Variants in LRRC4B observed in about 807,000 individuals in gnomAD.
LRRC4B encodes leucine-rich repeat-containing protein 4B.
A neutral mutation model predicts 7.3 loss-of-function variants in LRRC4B; 1 was observed. That is an observed-to-expected ratio of 0.14 (90% CI 0.05 to 0.65). The LOEUF (loss-of-function observed/expected upper bound fraction) is 0.65. LRRC4B is among the 30% of genes least tolerant of loss of function. LRRC4B has a pLI of 0.84. For missense variants in LRRC4B, 730 were observed against 1,041.6 expected (o/e 0.70, Z 4.12); for synonymous variants, 500 against 499.2 (o/e 1.00, Z -0.02).
chr19:50,566,433 C>T lies in LRRC4B; in HGVS notation c.-36+1511G>A, dbSNP rs1037623004. ...TTCCCCCTCCCCCTTCCCAGCTGGG[C>T]TCTCCCCAGGGGAATTCCCCACCCC... is the stretch of plus-strand genomic sequence containing the variant. On this transcript the variant is annotated intron_variant, in intron 1 of 2. Transcript: ENST00000652263. Among the ~76,000 whole-genome samples, 7 of 151,492 alleles carry T rather than the reference C, an allele frequency of 4.6e-5. No individual in the cohort carries two copies. The South Asian group carries it at 6.2e-4, about 14-fold the overall frequency.
In LRRC4B at chr19:50,548,885, G is replaced by A; in HGVS notation, c.-35-12C>T. 2.4e-6 allele frequency: 3 copies of A among 1,257,448 alleles called. No homozygotes were observed. The highest frequency in any genetic ancestry group is 1.5e-5 in the African/African-American group (1 of 66,128). 77.9% of individuals were successfully genotyped at this position (1,257,448 alleles called of 1,614,324 possible). On this transcript the variant is annotated splice_polypyrimidine_tract_variant and intron_variant, in intron 1 of 2. Transcript: ENST00000652263. The surrounding 1 kb of genome is among the most constrained non-coding windows in gnomAD (Gnocchi z 6.8). ...TGGACGCTGGGGGGCTGTGGGTGGG[G>A]GAGAGAAGGGGGAGAGGCTTGGTGA...
chr19:50,527,834 T>G (rs904430996), intron 2 of LRRC4B, among the ~76,000 whole-genome samples: 4 of 151,490 alleles, frequency 2.6e-5, no homozygotes, highest in African/African-American at 9.7e-5. Flanking sequence ...CTCCGCCTTC[T>G]GGGTTCAAAT....
At chr19:50,542,335 A>C (rs1217803753) in intron 2 of LRRC4B, among the ~76,000 whole-genome samples, 2 of 152,178 alleles carry the variant, frequency 1.3e-5, no homozygotes, top group African/African-American at 4.8e-5. Flanking sequence ...CCAGGGGGCC[A>C]GGGCATGTGA....
chr19:50,552,602 A>ATCTGTCTG (rs1982117506), intron 1 of LRRC4B, among the ~76,000 whole-genome samples: 2 of 143,662 alleles, frequency 1.4e-5, no homozygotes, highest in African/African-American at 5.2e-5. Flanking sequence ...CCATCCATCC[A>ATCTGTCTG]TCCATCCATC....
At chr19:50,544,129 C>T (rs564308706) in intron 2 of LRRC4B, among the ~76,000 whole-genome samples, 67 of 152,026 alleles carry the variant, frequency 4.4e-4, no homozygotes, top group Admixed American at 2.9e-3. Flanking sequence ...ATTGCTTGAA[C>T]GCGGGAGGCA....
intron 1 of LRRC4B, among the ~76,000 whole-genome samples, chr19:50,562,370 G>A (rs1982496825): frequency 6.6e-6 from 1 of 152,116 alleles, no homozygotes; most frequent in African/African-American, 2.4e-5. Flanking sequence ...GTGCCTCCTT[G>A]CAGGGTTGCC....
intron 2 of LRRC4B, among the ~76,000 whole-genome samples, chr19:50,535,824 G>C (rs1347556353): frequency 6.6e-6 from 1 of 152,224 alleles, no homozygotes; most frequent in East Asian, 1.9e-4. Context: ...GCCCTGGCCT[G>C]GGTGGAAAGT....
At chr19:50,523,279 C>T (rs759903015) in intron 2 of LRRC4B, among the ~76,000 whole-genome samples, 36 of 151,178 alleles carry the variant, frequency 2.4e-4, no homozygotes, top group Non-Finnish European at 8.8e-5. Context: ...TGGGGGAATG[C>T]GGTGTTACAG....
chr19:50,566,468 T>C (rs768181778), intron 1 of LRRC4B, among the ~76,000 whole-genome samples: 26 of 148,708 alleles, frequency 1.7e-4, no homozygotes, highest in Non-Finnish European at 3.6e-4. Flanking sequence ...CGACAGAAAG[T>C]CACCAGAGGC....
At chr19:50,549,189 A>T (rs1486918004) in intron 1 of LRRC4B, among the ~76,000 whole-genome samples, 3 of 152,210 alleles carry the variant, frequency 2.0e-5, no homozygotes, top group Non-Finnish European at 4.4e-5. Context: ...GTAAGTGCAG[A>T]AGTTGTCCAG....
rs550397458 is a variant in LRRC4B at position 50,540,518 on chromosome 19, G to A, written c.297+8024C>T. On this transcript the variant is annotated intron_variant, in intron 2 of 2. Transcript: ENST00000652263. ...ATTACAGACACCTGCCACCATGCCT[G>A]GGTTATTTTTGTATTTTTAGTAGAG... Among the ~76,000 whole-genome samples the A allele has an allele frequency of 2.8e-4, 43 of 151,926 alleles. 1 individual carries two copies. The highest frequency in any genetic ancestry group is 4.3e-4 in the Non-Finnish European group (29 of 67,982).
At chr19:50,547,818 G>T (rs1981879463) in intron 2 of LRRC4B, among the ~76,000 whole-genome samples, 1 of 151,594 alleles carries the variant, frequency 6.6e-6, no homozygotes. Context: ...CTCGCTTACG[G>T]CCTATCCTAA....
rs536409637 is a variant in LRRC4B at position 50,553,768 on chromosome 19, A to G, written c.-35-4895T>C. The stretch of plus-strand genomic sequence containing the variant: ...CAGGACCCACAACAGTGCTGGGCAC[A>G]TGGCAGTTGCTCACCAAACACTGGG... On this transcript the variant is annotated intron_variant, in intron 1 of 2. Coordinates refer to ENST00000652263, the MANE Select transcript of LRRC4B (RefSeq NM_001080457.2). This position sits in a 1 kb window ranked among gnomAD's most constrained non-coding sequence, Gnocchi z 4.2. Among the ~76,000 whole-genome samples, 25 of 152,252 alleles carry G rather than the reference A, an allele frequency of 1.6e-4. 1 individual carries two copies. Among genetic ancestry groups the G allele is most frequent in the Middle Eastern group, 6.8e-3 (2 of 294 alleles).
chr19:50,540,705 G>A (rs1450863591), intron 2 of LRRC4B, among the ~76,000 whole-genome samples: 2 of 151,580 alleles, frequency 1.3e-5, no homozygotes, highest in Non-Finnish European at 2.9e-5. Context: ...CTGTGCAGGC[G>A]AGGGATTTCG....
chr19:50,557,666 ACAG>A (rs955355496), intron 1 of LRRC4B: 3 of 140,636 alleles, frequency 2.1e-5, no homozygotes, highest in African/African-American at 7.6e-5. Flanking sequence ...ATGGGAATTA[ACAG>A]CAGGTTTCAG....
At chr19:50,559,631 AG>A (rs1342353714) in intron 1 of LRRC4B, among the ~76,000 whole-genome samples, 1 of 152,114 alleles carries the variant, frequency 6.6e-6, no homozygotes, top group East Asian at 1.9e-4. Context: ...GCAGGTTGGG[AG>A]GGGCGTGGCC....
At chr19:50,551,413 T>G (rs1422142786) in intron 1 of LRRC4B, among the ~76,000 whole-genome samples, 8 of 150,690 alleles carry the variant, frequency 5.3e-5, no homozygotes, top group Non-Finnish European at 7.4e-5. Context: ...GCAGCAGTTC[T>G]CTGCTCCCCT....
At chr19:50,558,744 C>A (rs1462204730) in intron 1 of LRRC4B, among the ~76,000 whole-genome samples, 2 of 152,258 alleles carry the variant, frequency 1.3e-5, no homozygotes, top group Non-Finnish European at 1.5e-5. Flanking sequence ...CTGTGTTGGA[C>A]AGCATGGATC....
At chr19:50,558,230 C>CACAT (rs1982346837) in intron 1 of LRRC4B, among the ~76,000 whole-genome samples, 1 of 140,054 alleles carries the variant, frequency 7.1e-6, no homozygotes, top group Non-Finnish European at 1.6e-5. Flanking sequence ...CACACACATA[C>CACAT]ACACACACAT....
Sources: gnomAD v4.1 joint callset for allele counts (sites outside exome capture counted in the v4.1 genomes callset) on GRCh38, gnomAD v4.1.1 for gene constraint, Gnocchi (gnomAD v3.1) non-coding constraint, MANE v1.5 for transcripts, NCBI Gene and HGNC (gene_info 2026-07-23, HGNC 2026-07-21) for gene names.